CCSER1: variants seen among roughly 807,000 people sequenced by gnomAD.
CCSER1 encodes the protein serine-rich coiled-coil domain-containing protein 1.
Under a neutral mutation model 82.0 loss-of-function variants are expected in CCSER1, and 41 were observed. The observed-to-expected ratio is 0.50, with a 90% CI of 0.39 to 0.65. The LOEUF is 0.65. CCSER1 is among the 30% of genes least tolerant of loss of function. The pLI is 0.00. For missense variants in CCSER1, 1,119 were observed against 1,064.2 expected (o/e 1.05, Z -0.72); for synonymous variants, 414 against 383.9 (o/e 1.08, Z -0.92).
intron 1 of CCSER1, among the ~76,000 whole-genome samples, chr4:90,186,829 T>A (rs1459108751): frequency 1.3e-5 from 2 of 151,974 alleles, no homozygotes; most frequent in African/African-American, 4.8e-5. Flanking sequence ...TTGCTGCCTG[T>A]GATTTCCTGG....
At chr4:90,809,736 A>AT (rs11373913) in intron 7 of CCSER1, among the ~76,000 whole-genome samples, 51,584 of 151,736 alleles carry the variant, frequency 0.34, 8,963 homozygotes, top group East Asian at 0.42. Flanking sequence ...AAGGTAAAAA[A>AT]AAAAAGTTAG....
intron 9 of CCSER1, among the ~76,000 whole-genome samples, chr4:91,080,394 A>G (rs1050200883): frequency 6.6e-6 from 1 of 152,200 alleles, no homozygotes; most frequent in Middle Eastern, 3.2e-3. Flanking sequence ...AACACACCAG[A>G]ATCTCTGGGA....
intron 4 of CCSER1, among the ~76,000 whole-genome samples, chr4:90,413,968 AAAAAAAAAAAAAAATATAT>A (rs1308468238): frequency 2.6e-5 from 3 of 115,266 alleles, no homozygotes; most frequent in African/African-American, 1.3e-4. Flanking sequence ...AAAAAAAAAA[AAAAAAAAAAAAAAATATAT>A]ATATATATAT....
chr4:91,587,124 C>T (rs1257667637), intron 10 of CCSER1, among the ~76,000 whole-genome samples: 7 of 151,658 alleles, frequency 4.6e-5, no homozygotes, highest in African/African-American at 1.5e-4. Flanking sequence ...GTATACTCAA[C>T]ATAACACACA....
intron 10 of CCSER1, among the ~76,000 whole-genome samples, chr4:91,596,954 C>CTGAG (rs1351537473): frequency 2.0e-5 from 3 of 151,974 alleles, no homozygotes; most frequent in Non-Finnish European, 4.4e-5. Flanking sequence ...TCTGAAATCA[C>CTGAG]TGAGTTTAAG....
Position 91,292,268 on chromosome 4 carries a change from GTC to G in CCSER1, c.2217+206276_2217+206277del, listed in dbSNP as rs557370496. Reference sequence around the variant, plus strand: ...CCTTGCAGTGTGTGAAAAAGACAGTGTCTGTTATAAATCAAACAAAATTCATG... The same window carrying G: ...CCTTGCAGTGTGTGAAAAAGACAGTGTGTTATAAATCAAACAAAATTCATG... On this transcript the variant is annotated intron_variant, in intron 10 of 10. Transcript: ENST00000509176. Among the ~76,000 whole-genome samples the G allele has an allele frequency of 1.3e-4, 20 of 152,058 alleles. No individual in the cohort carries two copies. In the South Asian group the frequency reaches 3.7e-3, roughly 28 times the overall value.
chr4:91,579,868 C>T (rs73836234), intron 10 of CCSER1, among the ~76,000 whole-genome samples: 10,475 of 151,716 alleles, frequency 0.069, 400 homozygotes, highest in Middle Eastern at 0.099. Context: ...CAAATTTTAA[C>T]ACATAATAAA....
At chr4:90,171,483 C>T (rs1731661935) in intron 1 of CCSER1, among the ~76,000 whole-genome samples, 1 of 151,898 alleles carries the variant, frequency 6.6e-6, no homozygotes, top group South Asian at 2.1e-4. Context: ...CTTTTAATCA[C>T]ACCCTGATTA....
intron 4 of CCSER1, among the ~76,000 whole-genome samples, chr4:90,460,098 G>A (rs1366930085): frequency 1.3e-5 from 2 of 151,002 alleles, no homozygotes; most frequent in East Asian, 1.9e-4. Context: ...AGGCCAAGAC[G>A]GGCGGATCAC....
rs560577489 is a variant in CCSER1 at position 90,781,192 on chromosome 4, C to T, written c.2011-34570C>T. 1.3e-4 allele frequency: 115 copies of T among 871,240 alleles called. No homozygotes were observed. The South Asian group carries it at 5.0e-3, about 38-fold the overall frequency. 54.0% of individuals were successfully genotyped at this position (871,240 alleles called of 1,614,324 possible). ...ACCTCCAGCACTGGGGATCACAACT[C>T]GACATGAGATTTGAGCAGAGACAAA... is the stretch of plus-strand genomic sequence containing the variant. On this transcript the variant is annotated intron_variant, in intron 7 of 10. Coordinates refer to ENST00000509176, the MANE Select transcript of CCSER1 (RefSeq NM_001145065.2).
chr4:91,399,082 G>A (rs1389417825), intron 10 of CCSER1, among the ~76,000 whole-genome samples: 1 of 151,834 alleles, frequency 6.6e-6, no homozygotes, highest in South Asian at 2.1e-4. Context: ...TTAAAAGTGG[G>A]CAGAGAGGAA....
chr4:90,141,047 T>TCTATCTAG lies in CCSER1; in HGVS notation c.-42+13223_-42+13224insGCTATCTA, dbSNP rs1553937196. 1.3e-4 allele frequency among the ~76,000 whole-genome samples: 19 copies of TCTATCTAG among 151,786 alleles called. 1 individual carries two copies. The highest frequency in any genetic ancestry group is 4.6e-4 in the African/African-American group (19 of 41,346). ...ATCTATCTATCTATCTATCTATCTA[T>TCTATCTAG]CTATCTATCTATCTATTGTCTGTCT... On this transcript the variant is annotated intron_variant, in intron 1 of 10. Coordinates refer to ENST00000509176, the MANE Select transcript of CCSER1 (RefSeq NM_001145065.2).
At chr4:91,482,119 CG>C (rs1757951924) in intron 10 of CCSER1, among the ~76,000 whole-genome samples, 1 of 151,984 alleles carries the variant, frequency 6.6e-6, no homozygotes, top group South Asian at 2.1e-4. Flanking sequence ...AGTCAGGAAA[CG>C]GGCCGGGCGC....
At chr4:90,861,618 C>T (rs1269099765) in intron 8 of CCSER1, among the ~76,000 whole-genome samples, 1 of 151,456 alleles carries the variant, frequency 6.6e-6, no homozygotes, top group Non-Finnish European at 1.5e-5. Context: ...AAAAAAGGTA[C>T]AAAAAGTTAA....
At chr4:90,582,735 T>G (rs1041635636) in intron 5 of CCSER1, among the ~76,000 whole-genome samples, 1 of 152,218 alleles carries the variant, frequency 6.6e-6, no homozygotes, top group African/African-American at 2.4e-5. Flanking sequence ...GTAGGAGACA[T>G]GGATATTTAA....
At chr4:91,442,129 T>C (rs1298442152) in intron 10 of CCSER1, among the ~76,000 whole-genome samples, 2 of 151,648 alleles carry the variant, frequency 1.3e-5, no homozygotes, top group Non-Finnish European at 2.9e-5. Context: ...TACTTTAAAG[T>C]TCATATGGAA....
chr4:91,020,146 A>C (rs987855396), intron 9 of CCSER1, among the ~76,000 whole-genome samples: 1 of 152,216 alleles, frequency 6.6e-6, no homozygotes, highest in African/African-American at 2.4e-5. Context: ...TCACTTTGAA[A>C]ATAAATATGT....
rs70963094 is a variant in CCSER1 at position 90,898,269 on chromosome 4, C to CTTTTTT, written c.2095-25076_2095-25071dup. ...CCTTACTTTTAAATCTTTAATCCAT[C>CTTTTTT]TTTTTTTTTTTTTTTTTTTTTTTTT... On this transcript the variant is annotated intron_variant, in intron 8 of 10. Transcript: ENST00000509176. Among the ~76,000 whole-genome samples the CTTTTTT allele has an allele frequency of 6.6e-3, 348 of 52,522 alleles. 82 individuals carry two copies. Among genetic ancestry groups the CTTTTTT allele is most frequent in the African/African-American group, 0.02 (264 of 13,176 alleles). The allele number at this position is 52,522 out of a possible 152,430, so 34.5% of individuals were successfully genotyped here.
At chr4:90,855,056 A>C (rs1324239309) in intron 8 of CCSER1, among the ~76,000 whole-genome samples, 3 of 152,130 alleles carry the variant, frequency 2.0e-5, no homozygotes, top group Admixed American at 6.6e-5. Context: ...AGATCTCGTG[A>C]GAACTCACTC....
Sources: gnomAD v4.1 joint callset for allele counts (sites outside exome capture counted in the v4.1 genomes callset) on GRCh38, gnomAD v4.1.1 for gene constraint, MANE v1.5 for transcripts, NCBI Gene and HGNC (gene_info 2026-07-23, HGNC 2026-07-21) for gene names.